RNF123: variants seen among roughly 807,000 people sequenced by gnomAD.
RNF123 encodes the protein E3 ubiquitin-protein ligase RNF123.
A neutral mutation model predicts 168.5 loss-of-function variants in RNF123; 86 were observed. The observed-to-expected ratio is 0.51, with a 90% CI of 0.43 to 0.61. The LOEUF is 0.61. RNF123 is among the 20% of genes least tolerant of loss of function. RNF123 has a pLI of 0.00. For synonymous variants in RNF123, 666 were observed against 689.1 expected (o/e 0.97, Z 0.52); for missense variants, 1,419 against 1,729.7 (o/e 0.82, Z 3.19).
At position 49,699,888 on chromosome 3, in the gene RNF123, C is replaced by G. The variant is rs1402634152; in HGVS notation, c.984+116C>G. The G allele has an allele frequency of 8.8e-7, 1 of 1,135,110 alleles. No individual in the cohort carries two copies. The highest frequency in any genetic ancestry group is 2.0e-5 in the Admixed American group (1 of 50,222). 70.3% of individuals were successfully genotyped at this position (1,135,110 alleles called of 1,614,324 possible). A position where few individuals can be genotyped will look rare whatever the true frequency, so the allele number is the denominator to read the frequency against. On this transcript the variant is annotated intron_variant, in intron 12 of 38. Transcript: ENST00000327697. This position sits in a 1 kb window ranked among gnomAD's most constrained non-coding sequence, Gnocchi z 4.8. ...GCTGAGGTCCCACAGCATCACCTGG[C>G]GAGGGCCCCATGTGACCAGGGCCCT... is the stretch of plus-strand genomic sequence containing the variant.
In RNF123 at chr3:49,712,780, A is replaced by C; in HGVS notation, c.2674+124A>C. 3 of 1,136,830 alleles carry C rather than the reference A, an allele frequency of 2.6e-6. No homozygotes were observed. The South Asian group carries it at 3.8e-5, about 14-fold the overall frequency. The allele number at this position is 1,136,830 out of a possible 1,614,324, so 70.4% of individuals were successfully genotyped here. ...TTCTGTGGGGGGCGGGGAGGGGAGG[A>C]GCTTCCTCTGTGGTTCACCCTGCAG... On this transcript the variant is annotated intron_variant, in intron 27 of 38. Coordinates refer to ENST00000327697, the MANE Select transcript of RNF123 (RefSeq NM_022064.5).
chr3:49,693,925 CT>C (rs928477416), intron 3 of RNF123, among the ~76,000 whole-genome samples: 4 of 152,180 alleles, frequency 2.6e-5, no homozygotes, highest in African/African-American at 7.2e-5. Flanking sequence ...CTGTTCGTAT[CT>C]TTTGCCCATC....
intron 38 of RNF123, 36 bp downstream of exon 38, chr3:49,721,141 A>AGTAG: frequency 6.2e-7 from 1 of 1,614,106 alleles, no homozygotes; most frequent in Non-Finnish European, 8.5e-7. Flanking sequence ...TGGGGAGAGC[A>AGTAG]GTAGGTACAT....
At chr3:49,713,292 T>C in intron 27 of RNF123, 1 of 599,532 alleles carries the variant, frequency 1.7e-6, no homozygotes, top group African/African-American at 1.9e-5. Context: ...AGGTCAGGGC[T>C]CCTGCCAGGG....
At position 49,698,972 on chromosome 3, in the gene RNF123, C is replaced by T; in HGVS notation, c.639-8C>T. ...AGCACTGGCTCACAGACCCACCCTT[C>T]TCCCCAGGAACGGTGTATCACTGGG... On this transcript the variant is annotated splice_region_variant and splice_polypyrimidine_tract_variant and intron_variant, in intron 9 of 38. Transcript: ENST00000327697. The T allele has an allele frequency of 6.2e-7, 1 of 1,613,646 alleles. No homozygotes were observed. The highest frequency in any genetic ancestry group is 8.5e-7 in the Non-Finnish European group (1 of 1,179,806).
chr3:49,713,365 G>C (rs1010719117), intron 27 of RNF123, 148 bp from the exon 28 acceptor site: 6 of 693,964 alleles, frequency 8.6e-6, no homozygotes, highest in Non-Finnish European at 1.5e-5. Context: ...TGAATGCTTT[G>C]CCCGATGTCC....
At position 49,695,953 on chromosome 3, in the gene RNF123, G is replaced by A. The variant is rs1016988640; in HGVS notation, c.168-1190G>A. Among the ~76,000 whole-genome samples, 8 of 152,336 alleles carry A rather than the reference G, an allele frequency of 5.3e-5. 1 individual carries two copies. Among genetic ancestry groups the A allele is most frequent in the Admixed American group, 5.2e-4 (8 of 15,304 alleles). On this transcript the variant is annotated intron_variant, in intron 3 of 38. Coordinates refer to ENST00000327697, the MANE Select transcript of RNF123 (RefSeq NM_022064.5). ...TTCCCAACTCCTTTGGCTCGGGTAG[G>A]TGGGTCATGTGCTCCGCTGACCATT...
intron 7 of RNF123, 25 bp downstream of exon 7, chr3:49,698,162 C>T: frequency 6.2e-7 from 1 of 1,601,018 alleles, no homozygotes; most frequent in African/African-American, 1.3e-5. Flanking sequence ...GGGGACCCCT[C>T]CCTGGGCCCA....
At chr3:49,705,473 A>G in intron 23 of RNF123, 61 bp from the exon 24 acceptor site, 2 of 1,525,366 alleles carry the variant, frequency 1.3e-6, no homozygotes, top group Admixed American at 2.2e-5. Context: ...TCCTGCTGTG[A>G]GGCAGGCTCA....
chr3:49,716,332 C>T, intron 34 of RNF123, 61 bp from the exon 35 acceptor site: 1 of 1,576,612 alleles, frequency 6.3e-7, no homozygotes, highest in South Asian at 1.1e-5. Context: ...AGTGGGCAGG[C>T]CTGGAGCCCT....
chr3:49,713,906 A>G lies in RNF123; in HGVS notation c.2838-4A>G, dbSNP rs1346641539. The G allele has an allele frequency of 6.2e-7, 1 of 1,613,566 alleles. No homozygotes were observed. The highest frequency in any genetic ancestry group is 1.1e-5 in the South Asian group (1 of 91,070). On this transcript the variant is annotated splice_polypyrimidine_tract_variant and splice_region_variant and intron_variant, in intron 29 of 38. Coordinates refer to ENST00000327697, the MANE Select transcript of RNF123 (RefSeq NM_022064.5). Reference sequence around the variant, plus strand: ...CCCCGTCTCTCCCCTCCTTGCCCTCACAGGCGTATCGCCATGGTGAGGAAC... The same window carrying G: ...CCCCGTCTCTCCCCTCCTTGCCCTCGCAGGCGTATCGCCATGGTGAGGAAC...
rs775344899 is a variant in RNF123 at position 49,697,914 on chromosome 3, C to T, written c.372C>T (p.Ile124=). 6.2e-7 allele frequency: 1 copy of T among 1,614,228 alleles called. No homozygotes were observed. Among genetic ancestry groups the T allele is most frequent in the South Asian group, 1.1e-5 (1 of 91,090 alleles). Residue 124 remains isoleucine (I), a synonymous_variant, in exon 6 of 39, where the codon ATC becomes ATT. Transcript: ENST00000327697. ...TTGGACACAGCAACTTTGGCACCATCCGCTCTACCACATGCGTGTACAAAG... is the reference window on the plus strand; with the variant it reads ...TTGGACACAGCAACTTTGGCACCATTCGCTCTACCACATGCGTGTACAAAG... ...GVIGHSNFGT[I]RSTTCVYKGK...
rs1344978316 is a variant in RNF123 at position 49,713,283 on chromosome 3, G to T, written c.2675-230G>T. 3 of 598,444 alleles carry T rather than the reference G, an allele frequency of 5.0e-6. No homozygotes were observed. In the Admixed American group the frequency reaches 8.9e-5, roughly 18 times the overall value. 37.1% of individuals were successfully genotyped at this position (598,444 alleles called of 1,614,324 possible). A position where few individuals can be genotyped will look rare whatever the true frequency, so the allele number is the denominator to read the frequency against. ...GTGTGCTGAGATGGGTTTGAGCCCA[G>T]GTCAGGGCTCCTGCCAGGGCCTGTC... On this transcript the variant is annotated intron_variant, in intron 27 of 38. Coordinates refer to ENST00000327697, the MANE Select transcript of RNF123 (RefSeq NM_022064.5).
At chr3:49,718,198 G>C (rs1304016647) in intron 35 of RNF123, 4 of 1,612,676 alleles carry the variant, frequency 2.5e-6, no homozygotes, top group Non-Finnish European at 3.4e-6. Flanking sequence ...GAGCGGGCTG[G>C]GTGTTTGGGG....
chr3:49,717,831 A>G, intron 35 of RNF123: 3 of 1,116,308 alleles, frequency 2.7e-6, no homozygotes, highest in Non-Finnish European at 2.5e-6. Context: ...AGGCCCATAC[A>G]GGAAGCTGGG....
rs1299760551 is a variant in RNF123, at chr3:49,713,830, G to A, written c.2837+5G>A. Reference sequence around the variant, plus strand: ...GGAGCGAATCCCCGAGGAGCAGTGAGTGGGGCCTGGGGGGCACACACCCTG... The same window carrying A: ...GGAGCGAATCCCCGAGGAGCAGTGAATGGGGCCTGGGGGGCACACACCCTG... On this transcript the variant is annotated splice_donor_5th_base_variant and intron_variant, in intron 29 of 38. Coordinates refer to ENST00000327697, the MANE Select transcript of RNF123 (RefSeq NM_022064.5). The A allele has an allele frequency of 6.2e-7, 1 of 1,613,234 alleles. No individual in the cohort carries two copies. The highest frequency in any genetic ancestry group is 1.1e-5 in the South Asian group (1 of 91,056).
intron 35 of RNF123, chr3:49,720,189 G>A (rs188651373): frequency 6.4e-5 from 12 of 188,348 alleles, no homozygotes; most frequent in African/African-American, 2.1e-4. Flanking sequence ...GGTGGTGGGC[G>A]TCTGCAATTC....
intron 3 of RNF123, among the ~76,000 whole-genome samples, chr3:49,696,527 C>T (rs1213337880): frequency 6.6e-6 from 1 of 151,920 alleles, no homozygotes; most frequent in African/African-American, 2.4e-5. Flanking sequence ...TTAGTAGAGT[C>T]GCAATTTCAC....
intron 3 of RNF123, 27 bp from the exon 4 acceptor site, chr3:49,697,116 C>A: frequency 6.3e-7 from 1 of 1,591,098 alleles, no homozygotes; most frequent in Non-Finnish European, 8.6e-7. Context: ...GACTTGTGGA[C>A]CCCTGGCAGC....
Sources: allele counts gnomAD v4.1 joint callset (sites outside exome capture counted in the v4.1 genomes callset), GRCh38; gene constraint gnomAD v4.1.1; non-coding constraint Gnocchi (gnomAD v3.1); transcripts MANE v1.5; gene names NCBI Gene and HGNC (gene_info 2026-07-23, HGNC 2026-07-21).